Variants in FRMD4B observed in about 807,000 individuals in gnomAD.
FRMD4B encodes FERM domain-containing protein 4B.
A neutral mutation model predicts 141.5 loss-of-function variants in FRMD4B; 74 were observed. That is an observed-to-expected ratio of 0.52 (90% confidence interval 0.43 to 0.63). The LOEUF (loss-of-function observed/expected upper bound fraction) is 0.63, where lower values mean the gene tolerates loss of function less well. Ranked by LOEUF, FRMD4B falls within the 30% of genes least tolerant of loss-of-function variation. FRMD4B has a pLI of 0.00. For synonymous variants in FRMD4B, 506 were observed against 467.9 expected (o/e 1.08, Z -1.05); for missense variants, 1,366 against 1,253.4 (o/e 1.09, Z -1.36).
At chr3:69,493,424 T>A (rs940748119) in intron 1 of FRMD4B, among the ~76,000 whole-genome samples, 1 of 152,144 alleles carries the variant, frequency 6.6e-6, no homozygotes, top group African/African-American at 2.4e-5. Context: ...CTTAATCATT[T>A]AAAAAAATAT....
chr3:69,313,408 TG>T, intron 2 of FRMD4B, 43 bp downstream of exon 2: 1 of 1,379,562 alleles, frequency 7.2e-7, no homozygotes, highest in Non-Finnish European at 1.0e-6. Flanking sequence ...AAAACCTACC[TG>T]GGCAAGACTT....
At chr3:69,289,158 A>G (rs1700793715) in intron 4 of FRMD4B, among the ~76,000 whole-genome samples, 1 of 152,210 alleles carries the variant, frequency 6.6e-6, no homozygotes, top group African/African-American at 2.4e-5. Flanking sequence ...TGGGGGAAAA[A>G]TAGGTTTTGG....
At chr3:69,303,897 T>C (rs1264361256) in intron 3 of FRMD4B, among the ~76,000 whole-genome samples, 1 of 152,154 alleles carries the variant, frequency 6.6e-6, no homozygotes, top group African/African-American at 2.4e-5. Flanking sequence ...ATCATGCCAC[T>C]GCATTCCAGC....
At chr3:69,180,137 T>C (rs1346155522) in intron 21 of FRMD4B, among the ~76,000 whole-genome samples, 1 of 151,530 alleles carries the variant, frequency 6.6e-6, no homozygotes, top group Non-Finnish European at 1.5e-5. Context: ...GGCTCTCACA[T>C]GTAATCCCAA....
chr3:69,528,377 T>C (rs1700962685), intron 1 of FRMD4B, among the ~76,000 whole-genome samples: 1 of 151,504 alleles, frequency 6.6e-6, no homozygotes, highest in Non-Finnish European at 1.5e-5. Flanking sequence ...TTTTTTTTCT[T>C]TTTTTGAGAC....
intron 16 of FRMD4B, among the ~76,000 whole-genome samples, chr3:69,194,655 G>A (rs991341143): frequency 1.3e-5 from 2 of 152,150 alleles, no homozygotes; most frequent in African/African-American, 4.8e-5. Flanking sequence ...CCATTTTACA[G>A]ATGAGGAAAA....
At chr3:69,189,602 TAAG>T (rs760391705) in intron 18 of FRMD4B, among the ~76,000 whole-genome samples, 194 of 152,306 alleles carry the variant, frequency 1.3e-3, no homozygotes, top group Non-Finnish European at 2.9e-4. Flanking sequence ...AATAAAAAGT[TAAG>T]AAACACTTTA....
At chr3:69,195,402 G>C (rs763485762) in intron 14 of FRMD4B, 38 bp from the exon 15 acceptor site, 1 of 1,547,696 alleles carries the variant, frequency 6.5e-7, no homozygotes, top group Non-Finnish European at 8.7e-7. Flanking sequence ...GTTTATACAA[G>C]GGATGTTTCC....
intron 1 of FRMD4B, among the ~76,000 whole-genome samples, chr3:69,492,919 T>C (rs745949415): frequency 7.9e-5 from 12 of 152,222 alleles, no homozygotes; most frequent in Non-Finnish European, 1.6e-4. Context: ...ATACTCTATA[T>C]TTTATGTATG....
rs56238322 is a variant in FRMD4B, at chr3:69,419,584, A to T, written c.-1+13050T>A. Among the ~76,000 whole-genome samples the T allele has an allele frequency of 1.6e-3, 236 of 152,092 alleles. 3 individuals are homozygous for T. Among genetic ancestry groups the T allele is most frequent in the Middle Eastern group, 0.01 (3 of 292 alleles). On this transcript the variant is annotated intron_variant, in intron 2 of 5. Coordinates refer to the FRMD4B transcript ENST00000459638. ...ATACCAAAAAGGGGCAGGAGAGCAA[A>T]GCTACCCAAGCCCAAAGGAAAACTG... is the stretch of plus-strand genomic sequence containing the variant.
Position 69,313,482 on chromosome 3 carries a change from C to T in FRMD4B, c.198G>A (p.Leu66=). 6.4e-7 allele frequency: 1 copy of T among 1,573,038 alleles called. No individual in the cohort carries two copies. Among genetic ancestry groups the T allele is most frequent in the East Asian group, 2.3e-5 (1 of 42,736 alleles). The part of the protein sequence containing the change: ...TEGRHCQVHL[L]DDRRLELLVQ... ...CCAGCAGCTCCAGTCTCCTATCATC[C>T]AGGAGGTGCACCTGGCAGTGCCTGC... The change falls in exon 2 of 23, where the codon CTG becomes CTA. Residue 66 remains leucine, a synonymous_variant. Coordinates refer to ENST00000398540, the MANE Select transcript of FRMD4B (RefSeq NM_015123.3).
intron 11 of FRMD4B, among the ~76,000 whole-genome samples, chr3:69,204,474 T>C (rs545391241): frequency 1.3e-5 from 2 of 152,300 alleles, no homozygotes; most frequent in South Asian, 2.1e-4. Flanking sequence ...TGTATGACTA[T>C]ACATCAGTGA....
intron 1 of FRMD4B, among the ~76,000 whole-genome samples, chr3:69,463,296 C>T (rs1034787229): frequency 1.3e-5 from 2 of 152,212 alleles, no homozygotes; most frequent in African/African-American, 4.8e-5. Flanking sequence ...CTAACACATA[C>T]AGTTTTGCCT....
At chr3:69,176,719 G>A (rs998861606) in intron 21 of FRMD4B, 63 bp from the exon 22 acceptor site, 8 of 1,122,406 alleles carry the variant, frequency 7.1e-6, no homozygotes, top group Non-Finnish European at 1.1e-5. Flanking sequence ...AATTGTTAAG[G>A]TCATTCAGAG....
chr3:69,293,264 T>C (rs1403707693), intron 4 of FRMD4B, among the ~76,000 whole-genome samples: 3 of 152,044 alleles, frequency 2.0e-5, no homozygotes, highest in South Asian at 2.1e-4. Context: ...ATTTTCGTCT[T>C]GTGGTATTTA....
At chr3:69,282,783 G>A (rs968479399) in intron 5 of FRMD4B, among the ~76,000 whole-genome samples, 9 of 151,814 alleles carry the variant, frequency 5.9e-5, no homozygotes, top group Non-Finnish European at 7.4e-5. Flanking sequence ...AATTACAGGC[G>A]CCCACCACCA....
intron 1 of FRMD4B, among the ~76,000 whole-genome samples, chr3:69,508,757 C>A (rs1482262811): frequency 6.6e-6 from 1 of 152,170 alleles, no homozygotes; most frequent in African/African-American, 2.4e-5. Flanking sequence ...TGGGACAGTA[C>A]AGAGCAACAT....
intron 8 of FRMD4B, among the ~76,000 whole-genome samples, chr3:69,223,810 C>G (rs992572024): frequency 6.6e-6 from 1 of 152,190 alleles, no homozygotes; most frequent in African/African-American, 2.4e-5. Flanking sequence ...GCCTAGGCGA[C>G]AGAGCAAGAC....
At position 69,186,583 on chromosome 3, in the gene FRMD4B, G is replaced by A. The variant is rs180779133; in HGVS notation, c.1919+1187C>T. Among the ~76,000 whole-genome samples the A allele has an allele frequency of 2.2e-4, 34 of 152,270 alleles. No individual in the cohort carries two copies. In the East Asian group the frequency reaches 5.6e-3, roughly 25 times the overall value. ...AAAAATTAGCCAGGCATGATGGCGC[G>A]TGCCTGTAATTCCAGCTACTCAGGA... On this transcript the variant is annotated intron_variant, in intron 19 of 22. Coordinates refer to ENST00000398540, the MANE Select transcript of FRMD4B (RefSeq NM_015123.3).
Sources: gnomAD v4.1 joint callset for allele counts (sites outside exome capture counted in the v4.1 genomes callset) on GRCh38, gnomAD v4.1.1 for gene constraint, MANE v1.5 for transcripts, NCBI Gene and HGNC (gene_info 2026-07-23, HGNC 2026-07-21) for gene names.